FARS2: variants seen among roughly 807,000 people sequenced by gnomAD.
The protein encoded by FARS2 is phenylalanine--tRNA ligase, mitochondrial.
In FARS2, 40 loss-of-function variants were observed where a neutral mutation model predicts 46.4. The observed-to-expected ratio is 0.86, with a 90% confidence interval of 0.67 to 1.12. FARS2 has a LOEUF of 1.12. Ranked by LOEUF, FARS2 falls within the 50% of genes most tolerant of loss-of-function variation. FARS2 has a pLI of 0.00. For missense variants in FARS2, 513 were observed against 567.9 expected, an observed-to-expected ratio of 0.90 and a Z score of 0.98; for synonymous variants, 234 against 214.9, an observed-to-expected ratio of 1.09 and a Z score of -0.78.
chr6:5,322,513 T>G (rs1179952113), intron 1 of FARS2, among the ~76,000 whole-genome samples: 5 of 152,242 alleles, frequency 3.3e-5, no homozygotes, highest in South Asian at 4.1e-4. Flanking sequence ...AATTTACAAT[T>G]AAATGCATTG....
chr6:5,614,576 A>AT (rs1469939764), intron 6 of FARS2, among the ~76,000 whole-genome samples: 1 of 151,880 alleles, frequency 6.6e-6, no homozygotes, highest in Non-Finnish European at 1.5e-5. Flanking sequence ...CCCCCGGCTA[A>AT]TTTTTTTGTA....
chr6:5,362,860 A>T (rs553765291), intron 1 of FARS2, among the ~76,000 whole-genome samples: 1 of 147,846 alleles, frequency 6.8e-6, no homozygotes, highest in South Asian at 2.2e-4. Context: ...TCACATACCT[A>T]TTGACCATTT....
At chr6:5,290,239 G>A (rs1481412992) in intron 1 of FARS2, among the ~76,000 whole-genome samples, 2 of 152,102 alleles carry the variant, frequency 1.3e-5, no homozygotes, top group African/African-American at 4.8e-5. Context: ...GCAAGTGACT[G>A]TGTGTGTGAG....
chr6:5,369,910 T>TA, intron 2 of FARS2, among the ~76,000 whole-genome samples: 1 of 151,482 alleles, frequency 6.6e-6, no homozygotes. Flanking sequence ...CTGAAATCCC[T>TA]AAAAGCTTGA....
chr6:5,569,940 G>A (rs1288195337), intron 5 of FARS2, among the ~76,000 whole-genome samples: 1 of 149,822 alleles, frequency 6.7e-6, no homozygotes, highest in South Asian at 2.2e-4. Flanking sequence ...GGTAGAAGAC[G>A]GATGTCAGGG....
intron 6 of FARS2, among the ~76,000 whole-genome samples, chr6:5,696,468 G>C (rs1758110937): frequency 6.6e-6 from 1 of 152,012 alleles, no homozygotes; most frequent in Admixed American, 6.5e-5. Flanking sequence ...CTCATGTGTA[G>C]CCAGTAGAGA....
chr6:5,639,529 G>GT (rs1307285726), intron 6 of FARS2, among the ~76,000 whole-genome samples: 1 of 152,214 alleles, frequency 6.6e-6, no homozygotes, highest in East Asian at 1.9e-4. Context: ...TCTTGCTTAA[G>GT]TAGAGGGGTG....
At chr6:5,319,261 C>G (rs1769793563) in intron 1 of FARS2, among the ~76,000 whole-genome samples, 1 of 152,166 alleles carries the variant, frequency 6.6e-6, no homozygotes, top group South Asian at 2.1e-4. Flanking sequence ...GGAGCAGCTT[C>G]CTGATGGGAT....
At chr6:5,493,872 T>C (rs1379530686) in intron 4 of FARS2, among the ~76,000 whole-genome samples, 1 of 152,256 alleles carries the variant, frequency 6.6e-6, no homozygotes, top group Non-Finnish European at 1.5e-5. Context: ...CACAAATATT[T>C]TACTGTCATT....
chr6:5,696,221 G>A (rs774029778), intron 6 of FARS2, among the ~76,000 whole-genome samples: 1 of 152,136 alleles, frequency 6.6e-6, no homozygotes, highest in Non-Finnish European at 1.5e-5. Flanking sequence ...TCAAAGATAC[G>A]GGTACTGCAA....
chr6:5,493,468 G>A (rs1767259427), intron 4 of FARS2, among the ~76,000 whole-genome samples: 1 of 152,192 alleles, frequency 6.6e-6, no homozygotes, highest in African/African-American at 2.4e-5. Flanking sequence ...CTTTTGATGT[G>A]TGGCTAGATG....
intron 1 of FARS2, among the ~76,000 whole-genome samples, chr6:5,294,616 C>T (rs1007670688): frequency 2.0e-5 from 3 of 152,178 alleles, no homozygotes; most frequent in African/African-American, 2.4e-5. Flanking sequence ...CTGATGACTT[C>T]CTCTTTGGGT....
intron 5 of FARS2, among the ~76,000 whole-genome samples, chr6:5,546,395 C>A (rs1337602138): frequency 6.6e-6 from 1 of 151,368 alleles, no homozygotes; most frequent in Non-Finnish European, 1.5e-5. Flanking sequence ...GGATTACAGG[C>A]GCCCACCACT....
chr6:5,672,443 C>G (rs549744258), intron 6 of FARS2, among the ~76,000 whole-genome samples: 1 of 152,260 alleles, frequency 6.6e-6, no homozygotes, highest in Non-Finnish European at 1.5e-5. Flanking sequence ...CTGAAAACTC[C>G]CCTTTTCAAT....
At chr6:5,499,422 C>G (rs1767663710) in intron 4 of FARS2, among the ~76,000 whole-genome samples, 1 of 152,122 alleles carries the variant, frequency 6.6e-6, no homozygotes, top group Admixed American at 6.5e-5. Flanking sequence ...TGAATTAGGG[C>G]AATGCAATGA....
At chr6:5,566,239 G>T (rs146529325) in intron 5 of FARS2, among the ~76,000 whole-genome samples, 4 of 152,090 alleles carry the variant, frequency 2.6e-5, no homozygotes, top group Non-Finnish European at 5.9e-5. Context: ...AGTCGGGAGT[G>T]GGGATGTTTC....
intron 6 of FARS2, among the ~76,000 whole-genome samples, chr6:5,717,478 T>C (rs1350849400): frequency 6.6e-6 from 1 of 151,998 alleles, no homozygotes. Context: ...GTTTCCCATG[T>C]TTGGAATTTT....
Position 5,667,285 on chromosome 6 carries a change from C to T in FARS2, c.1217+53965C>T, listed in dbSNP as rs547903987. On this transcript the variant is annotated intron_variant, in intron 6 of 6. Transcript: ENST00000274680. Reference sequence around the variant, plus strand: ...CTGTAATCCCAGCCCTTTGGGGGGCCAAGGTGGGCAGATCACAAGGTCAGG... The same window carrying T: ...CTGTAATCCCAGCCCTTTGGGGGGCTAAGGTGGGCAGATCACAAGGTCAGG... Among the ~76,000 whole-genome samples, 27 of 152,168 alleles carry T rather than the reference C, an allele frequency of 1.8e-4. No individual in the cohort carries two copies. The South Asian group carries it at 3.9e-3, about 22-fold the overall frequency.
intron 6 of FARS2, among the ~76,000 whole-genome samples, chr6:5,726,472 A>T (rs1278805528): frequency 6.6e-6 from 1 of 152,218 alleles, no homozygotes; most frequent in Non-Finnish European, 1.5e-5. Flanking sequence ...ACGATGTAAA[A>T]ACATGGTTGC....
Sources: gnomAD v4.1 joint callset for allele counts (sites outside exome capture counted in the v4.1 genomes callset) on GRCh38, gnomAD v4.1.1 for gene constraint, MANE v1.5 for transcripts, NCBI Gene and HGNC (gene_info 2026-07-23, HGNC 2026-07-21) for gene names.